Variants in POFUT4 observed in about 807,000 individuals in gnomAD.
The protein encoded by POFUT4 is GDP-fucose protein O-fucosyltransferase 4.
the POFUT4 span, among the ~76,000 whole-genome samples, chr10:73,778,391 CAAAAAAA>C: frequency 2.3e-5 from 1 of 43,070 alleles, no homozygotes; most frequent in Non-Finnish European, 5.1e-5. Context: ...AACTCCATCC[CAAAAAAA>C]AAAAAAAAAA....
the POFUT4 span, chr10:73,772,754 A>G: frequency 6.2e-7 from 1 of 1,605,610 alleles, no homozygotes; most frequent in South Asian, 1.1e-5. Context: ...GGCGCACCAG[A>G]GCTGGGCGCT....
chr10:73,777,134 A>G, the POFUT4 span, among the ~76,000 whole-genome samples: 1 of 152,214 alleles, frequency 6.6e-6, no homozygotes, highest in Non-Finnish European at 1.5e-5. Context: ...AGAAAGATTC[A>G]GTGGCTGTTA....
At chr10:73,772,341 C>A in the POFUT4 span, 27 of 1,454,434 alleles carry the variant, frequency 1.9e-5, no homozygotes, top group Admixed American at 2.8e-5. Context: ...GACATGGCGG[C>A]CGGCCCCATT....
the POFUT4 span, chr10:73,779,581 C>G: frequency 7.0e-6 from 1 of 142,754 alleles, no homozygotes; most frequent in Admixed American, 7.1e-5. Flanking sequence ...AAAAAAAAAT[C>G]TGTTAAAATT....
At chr10:73,772,617 G>A in the POFUT4 span, 21 of 1,562,162 alleles carry the variant, frequency 1.3e-5, no homozygotes, top group Admixed American at 3.2e-4. Context: ...GACTCGGAGC[G>A]CATCGAGTGT....
the POFUT4 span, among the ~76,000 whole-genome samples, chr10:73,777,198 G>A: frequency 4.0e-5 from 6 of 151,748 alleles, no homozygotes; most frequent in African/African-American, 1.5e-4. Flanking sequence ...CAAAGATAGA[G>A]ACTAAGACTG....
At chr10:73,778,620 A>G in the POFUT4 span, among the ~76,000 whole-genome samples, 4 of 152,138 alleles carry the variant, frequency 2.6e-5, no homozygotes, top group East Asian at 7.7e-4. Context: ...CTATATCTAT[A>G]TATCTACCTA....
At chr10:73,772,435 G>A in the POFUT4 span, 1 of 1,566,844 alleles carries the variant, frequency 6.4e-7, no homozygotes, top group East Asian at 2.4e-5. Context: ...AGGCCGGCGG[G>A]GAGGCGGAGT....
At chr10:73,772,912 G>C in the POFUT4 span, 1 of 1,611,186 alleles carries the variant, frequency 6.2e-7, no homozygotes, top group South Asian at 1.1e-5. Flanking sequence ...TGCGCCGCCC[G>C]GTGCCTCCGC....
chr10:73,772,900 T>C, the POFUT4 span: 224 of 1,611,808 alleles, frequency 1.4e-4, no homozygotes, highest in Non-Finnish European at 1.7e-4. Context: ...GGACCGCCTA[T>C]CTGCGCCGCC....
the POFUT4 span, among the ~76,000 whole-genome samples, chr10:73,778,115 C>A: frequency 7.5e-6 from 1 of 132,596 alleles, no homozygotes; most frequent in Non-Finnish European, 1.6e-5. Context: ...CCACCCGCCT[C>A]GGCCTCCCAA....
At chr10:73,776,825 A>G in the POFUT4 span, among the ~76,000 whole-genome samples, 1 of 151,868 alleles carries the variant, frequency 6.6e-6, no homozygotes, top group Non-Finnish European at 1.5e-5. Flanking sequence ...GACTACAGGC[A>G]TGCACCACCA....
At chr10:73,772,405 T>C in the POFUT4 span, 1 of 1,572,272 alleles carries the variant, frequency 6.4e-7, no homozygotes. Context: ...CCAGCGGCCA[T>C]GGGTCCGTAG....
the POFUT4 span, chr10:73,779,252 T>C: frequency 0.15 from 22,439 of 153,376 alleles, 1,735 homozygotes; most frequent in South Asian, 0.19. Flanking sequence ...CAGTGAGACC[T>C]CTGTCTAAAA....
chr10:73,776,399 T>G, the POFUT4 span, among the ~76,000 whole-genome samples: 4 of 151,500 alleles, frequency 2.6e-5, no homozygotes, highest in Non-Finnish European at 4.4e-5. Context: ...TTTTTTTTTT[T>G]GGCTTTTTCT....
At chr10:73,773,739 G>A in the POFUT4 span, 1 of 1,614,004 alleles carries the variant, frequency 6.2e-7, no homozygotes. Flanking sequence ...GCCCCACATT[G>A]CCCAGCCCTC....
chr10:73,777,170 C>T, the POFUT4 span, among the ~76,000 whole-genome samples: 1 of 152,050 alleles, frequency 6.6e-6, no homozygotes, highest in African/African-American at 2.4e-5. Context: ...TAATGTATTG[C>T]CCTATCCTCT....
chr10:73,773,832 C>T, the POFUT4 span: 4 of 1,533,302 alleles, frequency 2.6e-6, no homozygotes, highest in Non-Finnish European at 3.5e-6. Context: ...GTGCTGGGGT[C>T]CCCTGCAGCT....
the POFUT4 span, chr10:73,773,001 A>G: frequency 1.3e-6 from 2 of 1,591,224 alleles, no homozygotes; most frequent in Non-Finnish European, 8.5e-7. Context: ...GTGCCAGCGG[A>G]CCGGGACCGC....
Sources: gnomAD v4.1 joint callset for allele counts (sites outside exome capture counted in the v4.1 genomes callset) on GRCh38, gnomAD v4.1.1 for gene constraint, MANE v1.5 for transcripts, NCBI Gene and HGNC (gene_info 2026-07-23, HGNC 2026-07-21) for gene names.